DAP: variants seen among roughly 807,000 people sequenced by gnomAD.
DAP encodes the protein death-associated protein 1.
DAP carries 8 observed loss-of-function variants against 13.8 expected under a neutral mutation model. The observed-to-expected ratio is 0.58, with a 90% CI of 0.34 to 1.05. DAP has a LOEUF of 1.05. DAP is among the 50% of genes least tolerant of loss of function. The probability of loss-of-function intolerance (pLI) is 0.03; values close to 1 mark genes in which losing one functional copy is unlikely to be tolerated. For synonymous variants in DAP, 47 were observed against 47.5 expected, an observed-to-expected ratio of 0.99 and a Z score of 0.04; for missense variants, 106 against 133.2, an observed-to-expected ratio of 0.80 and a Z score of 1.01.
At chr5:10,709,896 G>A (rs906723291) in intron 2 of DAP, among the ~76,000 whole-genome samples, 2 of 152,196 alleles carry the variant, frequency 1.3e-5, no homozygotes, top group African/African-American at 2.4e-5. Flanking sequence ...CCAGGGCATC[G>A]GTATGGATTC....
intron 2 of DAP, among the ~76,000 whole-genome samples, chr5:10,704,962 G>C (rs758425614): frequency 6.6e-6 from 1 of 152,248 alleles, no homozygotes; most frequent in East Asian, 1.9e-4. Flanking sequence ...TACACCTGTC[G>C]GATGCACAAC....
chr5:10,694,776 G>C (rs1738392804), intron 2 of DAP, among the ~76,000 whole-genome samples: 1 of 152,206 alleles, frequency 6.6e-6, no homozygotes, highest in Non-Finnish European at 1.5e-5. Flanking sequence ...ATGCACTGAT[G>C]AAGGGGGTGA....
chr5:10,749,448 CAT>C lies in DAP; in HGVS notation c.56-1179_56-1178del, dbSNP rs767304377. Among the ~76,000 whole-genome samples, 330 of 152,344 alleles carry C rather than the reference CAT, an allele frequency of 2.2e-3. 1 individual carries two copies. Among genetic ancestry groups the C allele is most frequent in the Non-Finnish European group, 2.3e-3 (159 of 68,032 alleles). On this transcript the variant is annotated intron_variant, in intron 1 of 3. Coordinates refer to ENST00000230895, the MANE Select transcript of DAP (RefSeq NM_004394.3). ...CCAGTGTGTGGGTTCCAATTCTCCA[CAT>C]GTTCCCGACACTTACTATTGTGTGT...
At chr5:10,755,707 C>T (rs1045178330) in intron 1 of DAP, among the ~76,000 whole-genome samples, 1 of 152,066 alleles carries the variant, frequency 6.6e-6, no homozygotes, top group Non-Finnish European at 1.5e-5. Context: ...GTACTTTATA[C>T]AAAAGTGAAC....
chr5:10,744,121 T>A (rs1739840232), intron 2 of DAP, among the ~76,000 whole-genome samples: 1 of 152,120 alleles, frequency 6.6e-6, no homozygotes, highest in Non-Finnish European at 1.5e-5. Context: ...TTCCAATTAA[T>A]GGGGAAGGAA....
At chr5:10,724,973 T>C (rs556340837) in intron 2 of DAP, among the ~76,000 whole-genome samples, 2 of 152,134 alleles carry the variant, frequency 1.3e-5, no homozygotes, top group South Asian at 4.2e-4. Flanking sequence ...TCCTCCCCCC[T>C]CTCCCCTTCA....
intron 2 of DAP, among the ~76,000 whole-genome samples, chr5:10,723,541 T>G (rs938670983): frequency 1.3e-5 from 2 of 152,158 alleles, no homozygotes; most frequent in Admixed American, 1.3e-4. Flanking sequence ...GGGAAAGAAA[T>G]AGCAGAGAAG....
intron 2 of DAP, among the ~76,000 whole-genome samples, chr5:10,746,726 C>T (rs1262435706): frequency 6.6e-6 from 1 of 152,236 alleles, no homozygotes; most frequent in Non-Finnish European, 1.5e-5. Context: ...ACAATAATCA[C>T]TAATAATCAC....
intron 2 of DAP, among the ~76,000 whole-genome samples, chr5:10,746,902 C>T (rs1739919401): frequency 6.6e-6 from 1 of 152,156 alleles, no homozygotes; most frequent in African/African-American, 2.4e-5. Context: ...CTACTCTTGG[C>T]AACTATCCAT....
intron 2 of DAP, among the ~76,000 whole-genome samples, chr5:10,733,180 GTGTGTGTGTGTGTGTGTGTGTGTGTGTA>G (rs1399886432): frequency 9.8e-5 from 12 of 122,120 alleles, no homozygotes; most frequent in Non-Finnish European, 1.7e-4. Context: ...GTGTGTGTGT[GTGTGTGTGTGTGTGTGTGTGTGTGTGTA>G]TACCCTACAT....
chr5:10,692,462 A>C (rs1396842943), intron 2 of DAP, among the ~76,000 whole-genome samples: 1 of 152,178 alleles, frequency 6.6e-6, no homozygotes, highest in Admixed American at 6.5e-5. Context: ...GATGTCTCCC[A>C]GGTGGGCCGG....
chr5:10,682,824 C>T (rs1196997585), intron 3 of DAP, among the ~76,000 whole-genome samples: 1 of 152,228 alleles, frequency 6.6e-6, no homozygotes, highest in Non-Finnish European at 1.5e-5. Context: ...GGGGTTTCTT[C>T]TGCTACATCT....
chr5:10,736,636 A>G (rs1276847338), intron 2 of DAP, among the ~76,000 whole-genome samples: 3 of 152,146 alleles, frequency 2.0e-5, no homozygotes, highest in Admixed American at 2.0e-4. Context: ...TGGCACATAA[A>G]CGGTGACACT....
At chr5:10,743,132 T>C (rs1739803175) in intron 2 of DAP, among the ~76,000 whole-genome samples, 1 of 152,254 alleles carries the variant, frequency 6.6e-6, no homozygotes, top group Non-Finnish European at 1.5e-5. Context: ...TGCTAAACCA[T>C]GCCCCTTAAG....
At chr5:10,685,559 C>A (rs939954111) in intron 2 of DAP, among the ~76,000 whole-genome samples, 7 of 152,180 alleles carry the variant, frequency 4.6e-5, no homozygotes, top group Admixed American at 3.9e-4. Flanking sequence ...AGTTTCTTAA[C>A]GTCGTTTGGA....
At chr5:10,715,416 G>A (rs1279717533) in intron 2 of DAP, among the ~76,000 whole-genome samples, 4 of 152,146 alleles carry the variant, frequency 2.6e-5, no homozygotes, top group African/African-American at 9.7e-5. Context: ...AACAGTGCCT[G>A]GCCACACCTT....
intron 2 of DAP, among the ~76,000 whole-genome samples, chr5:10,712,256 C>T (rs533923698): frequency 1.3e-5 from 2 of 152,314 alleles, no homozygotes; most frequent in South Asian, 2.1e-4. Flanking sequence ...TTTCAACCTC[C>T]AGAACTGTGA....
intron 2 of DAP, among the ~76,000 whole-genome samples, chr5:10,736,153 C>T (rs1739606266): frequency 6.6e-6 from 1 of 152,206 alleles, no homozygotes; most frequent in East Asian, 1.9e-4. Context: ...CTGCGACAGA[C>T]CTTCCCCAGC....
At chr5:10,686,272 G>C (rs914915383) in intron 2 of DAP, among the ~76,000 whole-genome samples, 1 of 152,104 alleles carries the variant, frequency 6.6e-6, no homozygotes, top group East Asian at 1.9e-4. Flanking sequence ...ATTGAAATTA[G>C]GGCAATTAAC....
Sources: gnomAD v4.1 joint callset for allele counts (sites outside exome capture counted in the v4.1 genomes callset) on GRCh38, gnomAD v4.1.1 for gene constraint, MANE v1.5 for transcripts, NCBI Gene and HGNC (gene_info 2026-07-23, HGNC 2026-07-21) for gene names.